Variants in ALLC observed in about 807,000 individuals in gnomAD.
The protein encoded by ALLC is allantoicase, also known as probable inactive allantoicase.
ALLC carries 40 observed loss-of-function variants against 45.0 expected under a neutral mutation model. That is an observed-to-expected ratio of 0.89 (90% CI 0.69 to 1.16). The LOEUF (loss-of-function observed/expected upper bound fraction) is 1.16. Ranked by LOEUF, ALLC falls within the 50% of genes most tolerant of loss-of-function variation. The probability of loss-of-function intolerance (pLI) is 0.00; values close to 1 mark genes in which losing one functional copy is unlikely to be tolerated. For missense variants in ALLC, 488 were observed against 493.1 expected (o/e 0.99, Z 0.10); for synonymous variants, 176 against 178.1 (o/e 0.99, Z 0.09).
At chr2:3,667,601 C>A (rs2147995289) in intron 1 of ALLC, among the ~76,000 whole-genome samples, 1 of 152,306 alleles carries the variant, frequency 6.6e-6, no homozygotes, top group Middle Eastern at 3.4e-3. Flanking sequence ...ACCAAAATCA[C>A]AGGTTGTTCT....
chr2:3,655,190 C>A (rs34855424), upstream of ALLC, among the ~76,000 whole-genome samples: 22,839 of 152,268 alleles, frequency 0.15, 1,896 homozygotes, highest in Middle Eastern at 0.19. Flanking sequence ...AAGGCAGGGG[C>A]AGGGGTCAAG....
chr2:3,695,808 C>T lies in ALLC; in HGVS notation c.603C>T (p.Ile201=), dbSNP rs201236816. 387 of 1,613,956 alleles carry T rather than the reference C, an allele frequency of 2.4e-4. No individual in the cohort carries two copies. Among genetic ancestry groups the T allele is most frequent in the Non-Finnish European group, 3.1e-4 (364 of 1,179,874 alleles). Residue 201 remains isoleucine, a synonymous_variant, in exon 8 of 12, where the codon ATC becomes ATT. Coordinates refer to ENST00000252505, the MANE Select transcript of ALLC (RefSeq NM_018436.4). ...DPKEPADLVA[I]AFGGVCVGFS... is the part of the protein sequence containing the mutation. ...AAGAACCTGCAGACCTAGTGGCCAT[C>T]GCTTTTGGGGGTGTCTGTGTAGGAT...
intron 3 of ALLC, among the ~76,000 whole-genome samples, chr2:3,677,770 C>T (rs1386081348): frequency 1.3e-5 from 2 of 152,208 alleles, no homozygotes; most frequent in Non-Finnish European, 2.9e-5. Flanking sequence ...GGGGAGATTC[C>T]CTAAGCAGTA....
chr2:3,664,854 A>G (rs1037491097), intron 1 of ALLC, among the ~76,000 whole-genome samples: 3 of 151,558 alleles, frequency 2.0e-5, no homozygotes, highest in Admixed American at 1.3e-4. Context: ...ACTGCATTCC[A>G]ACCTGGGCAA....
chr2:3,658,190 G>A (rs1306609886), upstream of ALLC: 2 of 152,258 alleles, frequency 1.3e-5, no homozygotes, highest in Non-Finnish European at 2.9e-5. Flanking sequence ...TCTACCTCAG[G>A]CCCCTATACA....
upstream of ALLC, among the ~76,000 whole-genome samples, chr2:3,654,570 T>G (rs1313943753): frequency 6.6e-6 from 1 of 152,208 alleles, no homozygotes; most frequent in African/African-American, 2.4e-5. Flanking sequence ...CACATTCAGG[T>G]TATCATCTGA....
At chr2:3,697,312 A>G (rs1390085055) in intron 9 of ALLC, 36 bp from the exon 10 acceptor site, 2 of 1,559,708 alleles carry the variant, frequency 1.3e-6, no homozygotes, top group Admixed American at 1.7e-5. Flanking sequence ...AATGACTCCA[A>G]GTTCGTTTAC....
chr2:3,677,604 C>G (rs896594069), intron 3 of ALLC, among the ~76,000 whole-genome samples: 3 of 152,148 alleles, frequency 2.0e-5, no homozygotes, highest in Non-Finnish European at 4.4e-5. Flanking sequence ...AGGTGGGTAC[C>G]GTTGGCCACG....
chr2:3,685,461 G>A (rs977422972), intron 7 of ALLC, among the ~76,000 whole-genome samples: 4 of 150,680 alleles, frequency 2.7e-5, no homozygotes, highest in South Asian at 2.1e-4. Flanking sequence ...GAGAGAGAGA[G>A]ACAGAGACAG....
At chr2:3,696,002 C>T (rs1240845667) in intron 8 of ALLC, 130 bp downstream of exon 8, 2 of 1,033,238 alleles carry the variant, frequency 1.9e-6, no homozygotes, top group East Asian at 2.6e-5. Flanking sequence ...GATTAATCTT[C>T]CATGTGTAGG....
chr2:3,648,743 A>T, the ALLC span, among the ~76,000 whole-genome samples: 73 of 152,062 alleles, frequency 4.8e-4, no homozygotes, highest in African/African-American at 1.7e-3. Context: ...CTGCAAATCC[A>T]TGTGGGCAGA....
chr2:3,648,037 G>T, the ALLC span, among the ~76,000 whole-genome samples: 15 of 152,222 alleles, frequency 9.9e-5, no homozygotes, highest in South Asian at 2.3e-3. Context: ...CAGTGGGCAG[G>T]TGTGGGGCAA....
At position 3,702,471 on chromosome 2, in the gene ALLC, C is replaced by T. The variant is rs142516533; in HGVS notation, c.1084C>T (p.Arg362Trp). ...CCCCGACGGGGGAGTGAGCCGCCTT[C>T]GGCTCCGGGGCTTCCCCAGCTCCAT... The part of the protein sequence containing the change: ...IVPDGGVSRL[R>W]LRGFPSSICL... Residue 362 changes from arginine to tryptophan, a missense_variant, in exon 12 of 12, where the codon CGG (arginine) becomes TGG (tryptophan). Arg to Trp is a moderately radical substitution (Grantham distance 101, BLOSUM62 -3). Transcript: ENST00000252505. 2,987 of 1,612,628 alleles carry T rather than the reference C, an allele frequency of 1.9e-3. 37 individuals are homozygous for T. The African/African-American group carries it at 0.033, about 18-fold the overall frequency.
At chr2:3,646,794 T>G in the ALLC span, among the ~76,000 whole-genome samples, 1 of 152,186 alleles carries the variant, frequency 6.6e-6, no homozygotes, top group Non-Finnish European at 1.5e-5. Flanking sequence ...TACTAAGCAG[T>G]CAGTTTGAAT....
In ALLC at chr2:3,702,590, C is replaced by T; in HGVS notation, c.*27C>T. The T allele has an allele frequency of 1.3e-6, 2 of 1,509,782 alleles. No individual in the cohort carries two copies. Among genetic ancestry groups the T allele is most frequent in the Middle Eastern group, 2.1e-4 (1 of 4,856 alleles). 93.5% of individuals were successfully genotyped at this position (1,509,782 alleles called of 1,614,324 possible). A position where few individuals can be genotyped will look rare whatever the true frequency, so the allele number is the denominator to read the frequency against. ...ACACACAAAGCCCCGGTGTCGGACA[C>T]ACAGCAGTAATTTCCCAGTCATAGT... On this transcript the variant is annotated 3_prime_UTR_variant, in exon 12 of 12. Coordinates refer to ENST00000252505, the MANE Select transcript of ALLC (RefSeq NM_018436.4).
chr2:3,672,435 G>GGGAGGTCCTCTGGCTCTGGTTAGATC (rs1666907410), intron 2 of ALLC, among the ~76,000 whole-genome samples: 1 of 121,576 alleles, frequency 8.2e-6, no homozygotes, highest in Non-Finnish European at 1.7e-5. Flanking sequence ...CTGGTTAGAT[G>GGGAGGTCCTCTGGCTCTGGTTAGATC]GGAGGTCCTC....
intron 1 of ALLC, among the ~76,000 whole-genome samples, chr2:3,662,130 C>A (rs929343695): frequency 6.6e-6 from 1 of 152,220 alleles, no homozygotes; most frequent in East Asian, 1.9e-4. Context: ...TTTCTGACTT[C>A]CTTTTCTGCT....
At chr2:3,652,868 C>T in the ALLC span, among the ~76,000 whole-genome samples, 11 of 152,172 alleles carry the variant, frequency 7.2e-5, no homozygotes, top group Admixed American at 7.2e-4. Context: ...AGGCGTGAGC[C>T]ACCACGCCTG....
the ALLC span, among the ~76,000 whole-genome samples, chr2:3,647,786 C>G: frequency 1.2e-4 from 18 of 151,950 alleles, no homozygotes; most frequent in South Asian, 2.3e-3. Flanking sequence ...CCCTGGTGAT[C>G]ACTAACGCAT....
Sources: allele counts gnomAD v4.1 joint callset (sites outside exome capture counted in the v4.1 genomes callset), GRCh38; gene constraint gnomAD v4.1.1; transcripts MANE v1.5; gene names NCBI Gene and HGNC (gene_info 2026-07-23, HGNC 2026-07-21).